The following COMMD2 variants were observed in gnomAD, a reference collection of about 807,000 sequenced individuals.
The protein encoded by COMMD2 is COMM domain containing 2.
Under a neutral mutation model 22.5 loss-of-function variants are expected in COMMD2, and 25 were observed. The ratio of observed to expected loss-of-function variants is 1.11; its 90% CI spans 0.81 to 1.55. The LOEUF (loss-of-function observed/expected upper bound fraction) is 1.55. Among genes scored for constraint, COMMD2 ranks in the 40% most tolerant of loss-of-function variants. The pLI is 0.00. For missense variants in COMMD2, 223 were observed against 232.9 expected (o/e 0.96, Z 0.28); for synonymous variants, 98 against 91.2 (o/e 1.07, Z -0.42).
rs528713996 is a variant in COMMD2 at position 149,744,652 on chromosome 3, G to A, written c.403-2934C>T. 6.6e-5 allele frequency among the ~76,000 whole-genome samples: 10 copies of A among 152,248 alleles called. No homozygotes were observed. In the East Asian group the frequency reaches 1.9e-3, roughly 29 times the overall value. On this transcript the variant is annotated intron_variant, in intron 4 of 4. Transcript: ENST00000473414. The stretch of plus-strand genomic sequence containing the variant: ...CAAGTCAGTTACTTAAACATGAAAG[G>A]CGCCATATGTAGTTACAAGTTTCCT...
At chr3:149,742,948 A>T (rs1470710206) in intron 4 of COMMD2, among the ~76,000 whole-genome samples, 1 of 148,162 alleles carries the variant, frequency 6.7e-6, no homozygotes, top group Admixed American at 6.8e-5. Flanking sequence ...CCTGGGCAAC[A>T]GAGTGAGACT....
At position 149,749,787 on chromosome 3, in the gene COMMD2, GTGT is replaced by G. The variant is rs142858902; in HGVS notation, c.402+888_402+890del. ...CGCCAGCACATACACACAACTACACGTGTTGTTGTTGTTGTTGTTGTTTTTGTT... is the reference window on the plus strand; with the variant it reads ...CGCCAGCACATACACACAACTACACGTGTTGTTGTTGTTGTTGTTTTTGTT... On this transcript the variant is annotated intron_variant, in intron 4 of 4. Transcript: ENST00000473414. 5.4e-3 allele frequency among the ~76,000 whole-genome samples: 818 copies of G among 151,986 alleles called. 4 individuals carry two copies. The highest frequency in any genetic ancestry group is 0.018 in the African/African-American group (761 of 41,428).
At chr3:149,745,860 T>C (rs1716352818) in intron 4 of COMMD2, among the ~76,000 whole-genome samples, 1 of 152,226 alleles carries the variant, frequency 6.6e-6, no homozygotes, top group Non-Finnish European at 1.5e-5. Flanking sequence ...CTCCTGATGA[T>C]CCCTTTATTC....
chr3:149,752,142 C>A (rs1230310316), intron 2 of COMMD2, 68 bp downstream of exon 2: 3 of 1,321,496 alleles, frequency 2.3e-6, no homozygotes, highest in Non-Finnish European at 2.1e-6. Flanking sequence ...CCGTTTCTCT[C>A]CCGGGAGACA....
chr3:149,751,237 G>A (rs1716520065), intron 3 of COMMD2, 166 bp downstream of exon 3: 1 of 990,626 alleles, frequency 1.0e-6, no homozygotes, highest in Non-Finnish European at 1.5e-6. Flanking sequence ...ATTCATATCA[G>A]CAGATGATAT....
In COMMD2 at chr3:149,740,194, T is replaced by A. The variant is rs886342138; in HGVS notation, c.*1327A>T. 1.3e-5 allele frequency: 2 copies of A among 152,182 alleles called. No individual in the cohort carries two copies. Among genetic ancestry groups the A allele is most frequent in the South Asian group, 4.1e-4 (2 of 4,828 alleles). The allele number at this position is 152,182 out of a possible 1,614,324, so 9.4% of individuals were successfully genotyped here. Reference sequence around the variant, plus strand: ...TCTTCTCCCTAAGCTGACCTCAGTATCTCTGCACTCTCTCAGGCTGACCTG... The same window carrying A: ...TCTTCTCCCTAAGCTGACCTCAGTAACTCTGCACTCTCTCAGGCTGACCTG... On this transcript the variant is annotated 3_prime_UTR_variant, in exon 5 of 5. Transcript: ENST00000473414.
Position 149,751,447 on chromosome 3 carries a change from C to T in COMMD2, c.184G>A (p.Val62Met), listed in dbSNP as rs534739227. 66 of 1,613,926 alleles carry T rather than the reference C, an allele frequency of 4.1e-5. No homozygotes were observed. The East Asian group carries it at 1.3e-3, about 31-fold the overall frequency. ...GTGAGGAGATACGTTAATCCTTCCA[C>T]ACCATGCTGGACAGTGTCACTACTC... ...NVSSDTVQHG[V>M]EGLTYLLTES... is the part of the protein sequence containing the mutation. The change falls in exon 3 of 5, where the codon GTG (valine) becomes ATG (methionine). Residue 62 changes from valine (V) to methionine (M), a missense_variant. Physicochemically the swap from Val to Met is conservative, Grantham distance 21. Coordinates refer to ENST00000473414, the MANE Select transcript of COMMD2 (RefSeq NM_016094.4).
chr3:149,748,915 G>C (rs1359945552), intron 4 of COMMD2, among the ~76,000 whole-genome samples: 1 of 152,182 alleles, frequency 6.6e-6, no homozygotes, highest in Non-Finnish European at 1.5e-5. Flanking sequence ...AATGTGTAAG[G>C]CCTGATGCTC....
chr3:149,744,885 A>G (rs550565205), intron 4 of COMMD2, among the ~76,000 whole-genome samples: 2 of 152,348 alleles, frequency 1.3e-5, no homozygotes, highest in East Asian at 1.9e-4. Context: ...TCCTAGCAAT[A>G]GCGCAGTGAT....
At chr3:149,748,068 G>A (rs1032852559) in intron 4 of COMMD2, among the ~76,000 whole-genome samples, 13 of 151,538 alleles carry the variant, frequency 8.6e-5, no homozygotes, top group African/African-American at 3.2e-4. Context: ...GGGAATAATC[G>A]ATTCAGTAGA....
In COMMD2 at chr3:149,752,410, T is replaced by G. The variant is rs1576661496; in HGVS notation, c.35A>C (p.His12Pro). The G allele has an allele frequency of 2.5e-6, 4 of 1,614,100 alleles. No homozygotes were observed. The highest frequency in any genetic ancestry group is 3.4e-6 in the Non-Finnish European group (4 of 1,179,984). The change falls in exon 1 of 5, where the codon CAC (histidine) becomes CCC (proline). Residue 12 changes from histidine (H) to proline (P), a missense_variant. His to Pro is a moderately conservative substitution (Grantham distance 77). Coordinates refer to ENST00000473414, the MANE Select transcript of COMMD2 (RefSeq NM_016094.4). ...LLELSEEHKEHLAFLPQVDSA... is the reference protein window; with the variant it reads ...LLELSEEHKEPLAFLPQVDSA... ...GTCCACTTGAGGCAGGAAGGCCAGG[T>G]GTTCCTTATGCTCCTCGGACAATTC...
intron 4 of COMMD2, among the ~76,000 whole-genome samples, chr3:149,748,990 T>C (rs931997052): frequency 2.6e-5 from 4 of 152,172 alleles, no homozygotes; most frequent in Non-Finnish European, 5.9e-5. Context: ...TCCTACATGA[T>C]TGTTTTTTAA....
chr3:149,741,256 T>G lies in COMMD2; in HGVS notation c.*265A>C. 3.0e-6 allele frequency: 1 copy of G among 338,346 alleles called. No homozygotes were observed. The highest frequency in any genetic ancestry group is 5.6e-6 in the Non-Finnish European group (1 of 178,148). The allele number at this position is 338,346 out of a possible 1,614,324, so 21.0% of individuals were successfully genotyped here. A position where few individuals can be genotyped will look rare whatever the true frequency, so the allele number is the denominator to read the frequency against. On this transcript the variant is annotated 3_prime_UTR_variant, in exon 5 of 5. Coordinates refer to ENST00000473414, the MANE Select transcript of COMMD2 (RefSeq NM_016094.4). ...TAATTTTTTATATTTTTAGTAGAGA[T>G]GGGGTTTCACCATGTTAGCCAGGAA...
chr3:149,749,394 C>T (rs568698931), intron 4 of COMMD2, among the ~76,000 whole-genome samples: 35 of 152,258 alleles, frequency 2.3e-4, no homozygotes, highest in Admixed American at 2.0e-3. Context: ...TGGACATTAC[C>T]TCCATTTGAA....
intron 4 of COMMD2, among the ~76,000 whole-genome samples, chr3:149,749,381 A>G (rs1202720504): frequency 6.6e-6 from 1 of 152,196 alleles, no homozygotes; most frequent in South Asian, 2.1e-4. Flanking sequence ...TCTATAACCT[A>G]TCTGGACATT....
In COMMD2 at chr3:149,744,917, A is replaced by G. The variant is rs113002183; in HGVS notation, c.403-3199T>C. Among the ~76,000 whole-genome samples, 117 of 152,340 alleles carry G rather than the reference A, an allele frequency of 7.7e-4. 1 individual carries two copies. Among genetic ancestry groups the G allele is most frequent in the African/African-American group, 2.8e-3 (115 of 41,590 alleles). ...TGATTCAAACTCACTTCAGTGGGTA[A>G]ATGAGCCCTCGAGTTTAATTTTAGA... On this transcript the variant is annotated intron_variant, in intron 4 of 4. Coordinates refer to ENST00000473414, the MANE Select transcript of COMMD2 (RefSeq NM_016094.4).
chr3:149,749,355 C>T (rs147240623), intron 4 of COMMD2, among the ~76,000 whole-genome samples: 3 of 152,300 alleles, frequency 2.0e-5, no homozygotes, highest in East Asian at 3.9e-4. Context: ...CAGGTCTAAA[C>T]CCCTCTAACC....
chr3:149,744,315 A>C (rs989268942), intron 4 of COMMD2, among the ~76,000 whole-genome samples: 1 of 152,254 alleles, frequency 6.6e-6, no homozygotes, highest in African/African-American at 2.4e-5. Flanking sequence ...TGTTTCATGT[A>C]GCTACAGTTC....
intron 4 of COMMD2, among the ~76,000 whole-genome samples, chr3:149,746,613 T>C (rs1363145598): frequency 1.1e-4 from 6 of 55,888 alleles, no homozygotes; most frequent in African/African-American, 4.5e-4. Context: ...CTACTAAAAA[T>C]ACAAAAAAAA....
Sources: allele counts gnomAD v4.1 joint callset (sites outside exome capture counted in the v4.1 genomes callset), GRCh38; gene constraint gnomAD v4.1.1; transcripts MANE v1.5; gene names NCBI Gene and HGNC (gene_info 2026-07-23, HGNC 2026-07-21).